LMTK2: variants seen among roughly 807,000 people sequenced by gnomAD.
LMTK2 encodes serine/threonine-protein kinase LMTK2.
In LMTK2, 37 loss-of-function variants were observed where a neutral mutation model predicts 127.5. The ratio of observed to expected loss-of-function variants is 0.29; its 90% CI spans 0.22 to 0.38. The LOEUF (loss-of-function observed/expected upper bound fraction) is 0.38. Ranked by LOEUF, LMTK2 falls within the 10% of genes least tolerant of loss-of-function variation. The pLI is 1.00. For missense variants in LMTK2, 1,694 were observed against 1,920.3 expected (o/e 0.88, Z 2.20); for synonymous variants, 819 against 810.1 (o/e 1.01, Z -0.19).
intron 7 of LMTK2, among the ~76,000 whole-genome samples, chr7:98,183,616 A>T (rs1451813907): frequency 6.6e-6 from 1 of 151,606 alleles, no homozygotes; most frequent in Non-Finnish European, 1.5e-5. Flanking sequence ...TCTTGAACTT[A>T]TGACCTCATG....
rs202083476 is a variant in LMTK2 at position 98,192,572 on chromosome 7, G to C, written c.2107G>C (p.Asp703His). The change falls in exon 11 of 14, where the codon GAT (aspartate) becomes CAT (histidine). Residue 703 changes from aspartate (D) to histidine (H), a missense_variant. Physicochemically the swap from Asp to His is moderately conservative, Grantham distance 81. Coordinates refer to ENST00000297293, the MANE Select transcript of LMTK2 (RefSeq NM_014916.4). Reference sequence around the variant, plus strand: ...TGACAGTGAGCCTCTCTGCCTATCAGATAATCTTATGCACCAAGATAATTT... The same window carrying C: ...TGACAGTGAGCCTCTCTGCCTATCACATAATCTTATGCACCAAGATAATTT... Reference protein sequence around the residue: ...IFDSEPLCLSDNLMHQDNFDP... With the variant: ...IFDSEPLCLSHNLMHQDNFDP... 1.9e-6 allele frequency: 3 copies of C among 1,613,328 alleles called. No individual in the cohort carries two copies. The highest frequency in any genetic ancestry group is 4.5e-5 in the East Asian group (2 of 44,886).
At chr7:98,124,248 C>T (rs1284886292) in intron 1 of LMTK2, among the ~76,000 whole-genome samples, 1 of 152,204 alleles carries the variant, frequency 6.6e-6, no homozygotes, top group Non-Finnish European at 1.5e-5. Flanking sequence ...CTGCTTTCGT[C>T]CCCTGCTCTG....
At chr7:98,126,844 C>G (rs1213063617) in intron 1 of LMTK2, 1 of 152,176 alleles carries the variant, frequency 6.6e-6, no homozygotes, top group Non-Finnish European at 1.5e-5. Flanking sequence ...CACTTTTGAA[C>G]AGAGGAACTC....
rs546417943 is a variant in LMTK2, at chr7:98,119,230, AAC to A, written c.103+11956_103+11957del. 1.8e-4 allele frequency among the ~76,000 whole-genome samples: 27 copies of A among 152,346 alleles called. 1 individual carries two copies. In the South Asian group the frequency reaches 5.6e-3, roughly 32 times the overall value. On this transcript the variant is annotated intron_variant, in intron 1 of 13. Transcript: ENST00000297293. ...TCTCCCCTCATCCCCTCACTGCCAC[AAC>A]ACACATATTTCATCTTCTACTACGT...
chr7:98,155,314 A>T (rs1440993977), intron 5 of LMTK2, among the ~76,000 whole-genome samples: 1 of 152,230 alleles, frequency 6.6e-6, no homozygotes, highest in Non-Finnish European at 1.5e-5. Flanking sequence ...ATAACAAAAG[A>T]TCCAGCATTA....
chr7:98,175,951 G>A (rs149286496), intron 7 of LMTK2, among the ~76,000 whole-genome samples: 36 of 152,168 alleles, frequency 2.4e-4, no homozygotes, highest in African/African-American at 7.7e-4. Context: ...TAAAGAAGAC[G>A]GAAATTTCTA....
chr7:98,195,976 C>T (rs992747788), intron 11 of LMTK2, among the ~76,000 whole-genome samples: 2 of 152,166 alleles, frequency 1.3e-5, no homozygotes, highest in East Asian at 3.9e-4. Flanking sequence ...GATCACCTGA[C>T]GTCGGGAATT....
chr7:98,204,501 A>G (rs1371126498), intron 13 of LMTK2, among the ~76,000 whole-genome samples: 1 of 151,952 alleles, frequency 6.6e-6, no homozygotes, highest in Non-Finnish European at 1.5e-5. Flanking sequence ...GGTGGTGTGC[A>G]CCTGCACTTC....
At chr7:98,127,337 A>C (rs960683107) in intron 1 of LMTK2, among the ~76,000 whole-genome samples, 1 of 152,186 alleles carries the variant, frequency 6.6e-6, no homozygotes, top group Non-Finnish European at 1.5e-5. Context: ...AAAAAGGCCC[A>C]AACGATGTGT....
chr7:98,109,881 T>TA (rs916549505), intron 1 of LMTK2, among the ~76,000 whole-genome samples: 8 of 151,494 alleles, frequency 5.3e-5, no homozygotes, highest in East Asian at 1.9e-4. Flanking sequence ...AGACCAAGTT[T>TA]AAAAAAAAAC....
At chr7:98,195,182 C>G (rs578240737) in intron 11 of LMTK2, among the ~76,000 whole-genome samples, 1 of 152,362 alleles carries the variant, frequency 6.6e-6, no homozygotes, top group Admixed American at 6.5e-5. Context: ...TGCGCTTGGC[C>G]TCCAATTTTT....
At chr7:98,141,615 T>G in intron 3 of LMTK2, 74 bp downstream of exon 3, 1 of 1,404,056 alleles carries the variant, frequency 7.1e-7, no homozygotes, top group Non-Finnish European at 1.0e-6. Flanking sequence ...CTAGCCATCA[T>G]AAATATTGGA....
intron 7 of LMTK2, among the ~76,000 whole-genome samples, chr7:98,178,884 T>G (rs937986189): frequency 7.9e-5 from 12 of 152,204 alleles, no homozygotes; most frequent in African/African-American, 2.9e-4. Context: ...AAACTGAGGC[T>G]CCTCTGCTAT....
chr7:98,189,548 A>G (rs1797489761), intron 9 of LMTK2, among the ~76,000 whole-genome samples: 1 of 152,176 alleles, frequency 6.6e-6, no homozygotes, highest in Non-Finnish European at 1.5e-5. Context: ...GGTGGATCTG[A>G]CCTAGCAGTG....
intron 5 of LMTK2, among the ~76,000 whole-genome samples, chr7:98,156,189 G>A (rs1356123782): frequency 6.6e-6 from 1 of 152,182 alleles, no homozygotes; most frequent in Non-Finnish European, 1.5e-5. Flanking sequence ...TGTAATGGCC[G>A]GACGCAGTGG....
intron 6 of LMTK2, among the ~76,000 whole-genome samples, chr7:98,162,981 A>T (rs2116406622): frequency 6.6e-6 from 1 of 152,350 alleles, no homozygotes; most frequent in Admixed American, 6.5e-5. Context: ...AGGCTACAGC[A>T]TGAATGAACC....
At chr7:98,198,325 G>C (rs1305235376) in intron 11 of LMTK2, among the ~76,000 whole-genome samples, 1 of 151,800 alleles carries the variant, frequency 6.6e-6, no homozygotes, top group African/African-American at 2.4e-5. Flanking sequence ...TCAATAGCTG[G>C]GATTACAGGC....
chr7:98,169,113 G>A (rs1797147834), intron 6 of LMTK2, among the ~76,000 whole-genome samples: 1 of 152,048 alleles, frequency 6.6e-6, no homozygotes, highest in Non-Finnish European at 1.5e-5. Flanking sequence ...TACCAGGAGA[G>A]CTCTATGGAC....
chr7:98,206,137 C>G lies in LMTK2; in HGVS notation c.*645C>G, dbSNP rs1278560739. On this transcript the variant is annotated 3_prime_UTR_variant, in exon 14 of 14. Transcript: ENST00000297293. ...GTGAAGCTTAAATATTTTGAGTGTTCTACTGTGTCTAGGATTGTTGGGATT... is the reference window on the plus strand; with the variant it reads ...GTGAAGCTTAAATATTTTGAGTGTTGTACTGTGTCTAGGATTGTTGGGATT... The G allele has an allele frequency of 6.6e-6, 1 of 152,634 alleles. No homozygotes were observed. Among genetic ancestry groups the G allele is most frequent in the Non-Finnish European group, 1.5e-5 (1 of 68,244 alleles). The allele number at this position is 152,634 out of a possible 1,614,324, so 9.5% of individuals were successfully genotyped here. A position where few individuals can be genotyped will look rare whatever the true frequency, so the allele number is the denominator to read the frequency against.
Sources: gnomAD v4.1 joint callset for allele counts (sites outside exome capture counted in the v4.1 genomes callset) on GRCh38, gnomAD v4.1.1 for gene constraint, MANE v1.5 for transcripts, NCBI Gene and HGNC (gene_info 2026-07-23, HGNC 2026-07-21) for gene names.